The following TBX15 variants were observed in gnomAD, a reference collection of about 807,000 sequenced individuals.
TBX15 encodes T-box transcription factor TBX15.
TBX15 carries 18 observed loss-of-function variants against 53.9 expected under a neutral mutation model. That is an observed-to-expected ratio of 0.33 (90% CI 0.23 to 0.49). The LOEUF (loss-of-function observed/expected upper bound fraction) is 0.49, where lower values mean the gene tolerates loss of function less well. TBX15 is among the 20% of genes least tolerant of loss of function. The pLI, the probability that TBX15 is intolerant of heterozygous loss-of-function variation, is 0.98. For missense variants in TBX15, 692 were observed against 749.5 expected, an observed-to-expected ratio of 0.92 and a Z score of 0.90; for synonymous variants, 295 against 278.0, an observed-to-expected ratio of 1.06 and a Z score of -0.61.
In TBX15 at chr1:118,923,512, G is replaced by A; in HGVS notation, c.785C>T (p.Pro262Leu). The part of the protein sequence containing the change: ...SSDLSPTKPV[P>L]VGDGVKTFNF... ...GAACGTTTTCACCCCATCCCCAACA[G>A]GAACAGGCTTAGTGGGTGAAAGGTC... Residue 262 changes from proline (P) to leucine (L), a missense_variant, in exon 5 of 8, where the codon CCT becomes CTT. Pro to Leu is a moderately conservative substitution (Grantham distance 98, BLOSUM62 -3). Transcript: ENST00000369429. 1 of 1,613,986 alleles carries A rather than the reference G, an allele frequency of 6.2e-7. No individual in the cohort carries two copies. The highest frequency in any genetic ancestry group is 8.5e-7 in the Non-Finnish European group (1 of 1,179,936).
intron 1 of TBX15, among the ~76,000 whole-genome samples, chr1:118,964,076 T>G (rs540417315): frequency 5.3e-5 from 8 of 152,216 alleles, no homozygotes; most frequent in Non-Finnish European, 2.9e-5. Flanking sequence ...TGCTGTGCCC[T>G]GAATACCTGA....
chr1:118,956,862 C>T (rs922039325), intron 1 of TBX15, among the ~76,000 whole-genome samples: 2 of 151,528 alleles, frequency 1.3e-5, no homozygotes, highest in African/African-American at 4.9e-5. Context: ...ACTCAGGAGG[C>T]TGATGCAGGA....
At position 118,985,221 on chromosome 1, in the gene TBX15, G is replaced by A. The variant is rs538523554; in HGVS notation, c.205+2370C>T. Among the ~76,000 whole-genome samples the A allele has an allele frequency of 2.0e-5, 3 of 152,158 alleles. No homozygotes were observed. In the South Asian group the frequency reaches 6.2e-4, roughly 32 times the overall value. On this transcript the variant is annotated intron_variant, in intron 1 of 7. Transcript: ENST00000369429. ...CACGCAGCGGCTTCTGGGCCCTAAGGACAAAAGAGTTAAAACAATGAGGCT... is the reference window on the plus strand; with the variant it reads ...CACGCAGCGGCTTCTGGGCCCTAAGAACAAAAGAGTTAAAACAATGAGGCT...
chr1:118,916,592 G>A (rs567367537), intron 5 of TBX15, among the ~76,000 whole-genome samples: 1 of 152,298 alleles, frequency 6.6e-6, no homozygotes, highest in African/African-American at 2.4e-5. Context: ...GGCCAAGCGT[G>A]GTGGCTCATG....
intron 1 of TBX15, among the ~76,000 whole-genome samples, chr1:118,937,993 G>T (rs1283938738): frequency 6.6e-6 from 1 of 152,174 alleles, no homozygotes; most frequent in Non-Finnish European, 1.5e-5. Flanking sequence ...AGTGGAAATT[G>T]GTTGTGGGCT....
intron 7 of TBX15, among the ~76,000 whole-genome samples, chr1:118,890,058 G>A (rs908523525): frequency 2.6e-5 from 4 of 152,184 alleles, no homozygotes; most frequent in African/African-American, 4.8e-5. Context: ...AAGCATCTTG[G>A]CCTCTCCCCA....
chr1:118,890,065 C>T (rs1040283867), intron 7 of TBX15, among the ~76,000 whole-genome samples: 4 of 152,142 alleles, frequency 2.6e-5, no homozygotes, highest in Admixed American at 2.6e-4. Flanking sequence ...TTGGCCTCTC[C>T]CCACCCTGAT....
intron 3 of TBX15, among the ~76,000 whole-genome samples, chr1:118,926,151 T>C (rs558388356): frequency 5.3e-5 from 8 of 152,320 alleles, no homozygotes; most frequent in Non-Finnish European, 8.8e-5. Context: ...TTGTTCCACC[T>C]CTCCTTCCTC....
At chr1:118,928,396 T>A (rs909573953) in intron 2 of TBX15, among the ~76,000 whole-genome samples, 27 of 152,226 alleles carry the variant, frequency 1.8e-4, no homozygotes, top group Admixed American at 1.8e-3. Context: ...TTTTGTCTTA[T>A]GGTGGGCTAA....
At chr1:118,912,822 A>G (rs747285301) in intron 6 of TBX15, among the ~76,000 whole-genome samples, 2 of 152,200 alleles carry the variant, frequency 1.3e-5, no homozygotes, top group African/African-American at 2.4e-5. Flanking sequence ...TTTGACATGT[A>G]GTCCATAAGC....
chr1:118,932,439 T>C (rs1159862946), intron 1 of TBX15, among the ~76,000 whole-genome samples: 1 of 151,926 alleles, frequency 6.6e-6, no homozygotes, highest in Non-Finnish European at 1.5e-5. Flanking sequence ...TTCCTAAGAG[T>C]CTAATCAGGC....
intron 6 of TBX15, among the ~76,000 whole-genome samples, chr1:118,906,878 T>G (rs1020771210): frequency 7.2e-5 from 11 of 152,300 alleles, no homozygotes; most frequent in African/African-American, 2.6e-4. Context: ...TCAGATTTCT[T>G]CTTGCACCTC....
At chr1:118,936,087 T>C (rs747155971) in intron 1 of TBX15, among the ~76,000 whole-genome samples, 1 of 152,180 alleles carries the variant, frequency 6.6e-6, no homozygotes, top group African/African-American at 2.4e-5. Flanking sequence ...ATATGTTTGA[T>C]CTTGGCCAAG....
chr1:118,976,143 C>G (rs1479636515), intron 1 of TBX15, among the ~76,000 whole-genome samples: 2 of 152,118 alleles, frequency 1.3e-5, no homozygotes, highest in South Asian at 2.1e-4. Flanking sequence ...CTGGGCAAAC[C>G]AGGGCTGCCA....
chr1:118,924,995 A>T (rs2101595944), intron 3 of TBX15, among the ~76,000 whole-genome samples, 178 bp from the exon 4 acceptor site: 1 of 152,294 alleles, frequency 6.6e-6, no homozygotes, highest in South Asian at 2.1e-4. Context: ...ATAACCAGGG[A>T]AATGAAATAG....
rs533545587 is a variant in TBX15 at position 118,921,098 on chromosome 1, G to A, written c.861+2338C>T. On this transcript the variant is annotated intron_variant, in intron 5 of 7. Transcript: ENST00000369429. ...GAAAGCTGACACAGGAGGATGGCTT[G>A]ATCCCAGGAGGCCAGGGCTGCAGTG... is the stretch of plus-strand genomic sequence containing the variant. 3.3e-5 allele frequency among the ~76,000 whole-genome samples: 5 copies of A among 152,144 alleles called. No homozygotes were observed. The South Asian group carries it at 8.3e-4, about 25-fold the overall frequency.
chr1:118,917,260 C>A (rs1420295630), intron 5 of TBX15, among the ~76,000 whole-genome samples: 2 of 152,104 alleles, frequency 1.3e-5, no homozygotes, highest in African/African-American at 2.4e-5. Context: ...GAGATCATGT[C>A]CTTGGAAGGA....
At chr1:118,937,859 A>G (rs1389455712) in intron 1 of TBX15, among the ~76,000 whole-genome samples, 5 of 152,130 alleles carry the variant, frequency 3.3e-5, no homozygotes, top group Admixed American at 6.6e-5. Flanking sequence ...AGTCTCTAAA[A>G]CCAAAACTCT....
At chr1:118,945,305 A>C (rs1656312368) in intron 1 of TBX15, among the ~76,000 whole-genome samples, 1 of 152,210 alleles carries the variant, frequency 6.6e-6, no homozygotes, top group Non-Finnish European at 1.5e-5. Flanking sequence ...AGCATACTAC[A>C]GTCCCCCCAA....
Sources: gnomAD v4.1 joint callset for allele counts (sites outside exome capture counted in the v4.1 genomes callset) on GRCh38, gnomAD v4.1.1 for gene constraint, MANE v1.5 for transcripts, NCBI Gene and HGNC (gene_info 2026-07-23, HGNC 2026-07-21) for gene names.